Variants in TXNRD1 observed in about 807,000 individuals in gnomAD.
TXNRD1 encodes thioredoxin reductase 1, cytoplasmic.
A neutral mutation model predicts 80.3 loss-of-function variants in TXNRD1; 57 were observed. That is an observed-to-expected ratio of 0.71 (90% CI 0.57 to 0.89). The LOEUF is 0.89. TXNRD1 is among the 40% of genes least tolerant of loss of function. The pLI is 0.00. For synonymous variants in TXNRD1, 291 were observed against 285.2 expected (o/e 1.02, Z -0.20); for missense variants, 730 against 803.0 (o/e 0.91, Z 1.10).
At chr12:104,287,197 C>T in intron 3 of TXNRD1, 3 of 1,591,840 alleles carry the variant, frequency 1.9e-6, no homozygotes, top group Non-Finnish European at 1.7e-6. Context: ...GGGACGACAG[C>T]ATTGCGCCTG....
chr12:104,237,035 T>TG (rs1287867070), intron 1 of TXNRD1, among the ~76,000 whole-genome samples: 33 of 145,016 alleles, frequency 2.3e-4, no homozygotes, highest in African/African-American at 6.0e-4. Context: ...GACTCCGTTC[T>TG]GGGGGGGTTG....
chr12:104,255,301 T>A (rs893570553), intron 2 of TXNRD1, among the ~76,000 whole-genome samples: 5 of 152,048 alleles, frequency 3.3e-5, no homozygotes, highest in Non-Finnish European at 7.3e-5. Flanking sequence ...TTCTTTTTTT[T>A]AGTCCCTATT....
intron 14 of TXNRD1, among the ~76,000 whole-genome samples, chr12:104,333,030 G>A (rs1044696907): frequency 6.6e-6 from 1 of 151,640 alleles, no homozygotes; most frequent in East Asian, 1.9e-4. Flanking sequence ...TTAATGTTAT[G>A]TCATGAACAT....
intron 4 of TXNRD1, among the ~76,000 whole-genome samples, chr12:104,290,720 CATAT>C (rs58669975): frequency 0.07 from 3,919 of 55,678 alleles, 153 homozygotes; most frequent in East Asian, 0.087. Context: ...AAGAAATATA[CATAT>C]ATATATATAT....
At chr12:104,242,310 G>T (rs1454232523) in intron 1 of TXNRD1, among the ~76,000 whole-genome samples, 1 of 151,584 alleles carries the variant, frequency 6.6e-6, no homozygotes, top group African/African-American at 2.4e-5. Flanking sequence ...AGCACTTTGG[G>T]AGGCCAAGGC....
At chr12:104,303,720 G>A (rs1038780891) in intron 4 of TXNRD1, 2 of 772,776 alleles carry the variant, frequency 2.6e-6, no homozygotes, top group Non-Finnish European at 3.8e-6. Flanking sequence ...GGTCGCGCCG[G>A]GCCGGGCCGC....
At chr12:104,256,350 G>A (rs1348089585) in intron 2 of TXNRD1, among the ~76,000 whole-genome samples, 2 of 152,100 alleles carry the variant, frequency 1.3e-5, no homozygotes, top group East Asian at 3.9e-4. Flanking sequence ...GCTGTGAAGA[G>A]GTTTTAAAGT....
rs551000465 is a variant in TXNRD1, at chr12:104,237,135, C to T, written c.92-14392C>T. Among the ~76,000 whole-genome samples the T allele has an allele frequency of 2.4e-4, 36 of 152,288 alleles. No individual in the cohort carries two copies. In the South Asian group the frequency reaches 7.5e-3, roughly 32 times the overall value. ...CAGATAGTTCCCTCAAAATCAAAGG[C>T]TCTGTACTGTTATGTATTGTGTTAT... On this transcript the variant is annotated intron_variant, in intron 1 of 16. Coordinates refer to ENST00000525566, the MANE Select transcript of TXNRD1 (RefSeq NM_001093771.3).
intron 4 of TXNRD1, among the ~76,000 whole-genome samples, chr12:104,293,433 G>T (rs1304320649): frequency 6.6e-6 from 1 of 152,130 alleles, no homozygotes; most frequent in Non-Finnish European, 1.5e-5. Flanking sequence ...TCCAGTCTTG[G>T]GGGGTAGATG....
intron 1 of TXNRD1, among the ~76,000 whole-genome samples, chr12:104,230,302 C>T (rs2032588640): frequency 2.0e-5 from 3 of 152,088 alleles, no homozygotes; most frequent in Admixed American, 2.0e-4. Context: ...CTCCCAACCT[C>T]AGGTGATCCA....
At chr12:104,229,252 A>G (rs1309486828) in intron 1 of TXNRD1, among the ~76,000 whole-genome samples, 3 of 149,192 alleles carry the variant, frequency 2.0e-5, no homozygotes, top group Non-Finnish European at 4.4e-5. Context: ...GGCTCAAGCA[A>G]TCCTCCCACC....
chr12:104,336,163 A>C (rs1022820118), intron 15 of TXNRD1, among the ~76,000 whole-genome samples: 4 of 152,266 alleles, frequency 2.6e-5, no homozygotes, highest in African/African-American at 9.6e-5. Flanking sequence ...TGCTCATAGC[A>C]GTCAGTGAAA....
chr12:104,294,233 G>GGCGCCCC lies in TXNRD1; in HGVS notation c.414+5193_414+5194insGCGCCCC, dbSNP rs60817773. 1.9e-3 allele frequency among the ~76,000 whole-genome samples: 130 copies of GGCGCCCC among 68,828 alleles called. 28 individuals are homozygous for GGCGCCCC. The highest frequency in any genetic ancestry group is 2.6e-3 in the African/African-American group (43 of 16,778). 45.2% of individuals were successfully genotyped at this position (68,828 alleles called of 152,430 possible). A position where few individuals can be genotyped will look rare whatever the true frequency, so the allele number is the denominator to read the frequency against. ...CTTCTCTAAACTCCCCCGGGGAAAG[G>GGCGCCCC]CCCCCCCCCCCGCCGCCGGCTTTCC... On this transcript the variant is annotated intron_variant, in intron 4 of 16. Coordinates refer to ENST00000525566, the MANE Select transcript of TXNRD1 (RefSeq NM_001093771.3).
Position 104,348,727 on chromosome 12 carries a change from T to A in TXNRD1, c.*306T>A. The A allele has an allele frequency of 3.0e-6, 1 of 335,024 alleles. No homozygotes were observed. The highest frequency in any genetic ancestry group is 5.5e-6 in the Non-Finnish European group (1 of 183,096). 20.8% of individuals were successfully genotyped at this position (335,024 alleles called of 1,614,324 possible). A position where few individuals can be genotyped will look rare whatever the true frequency, so the allele number is the denominator to read the frequency against. On this transcript the variant is annotated 3_prime_UTR_variant, in exon 17 of 17. Transcript: ENST00000525566. The stretch of plus-strand genomic sequence containing the variant: ...TGATGGAACAACTGTCAAATCAGTT[T>A]TAGCATGACCTTTCCTTGTGGATTT...
chr12:104,249,451 A>T (rs1025249262), intron 1 of TXNRD1, among the ~76,000 whole-genome samples: 6 of 152,036 alleles, frequency 3.9e-5, no homozygotes, highest in African/African-American at 1.4e-4. Context: ...TTTTCTATCC[A>T]TATGTTAAGT....
chr12:104,320,621 G>A (rs1344724287), intron 9 of TXNRD1, among the ~76,000 whole-genome samples: 3 of 151,726 alleles, frequency 2.0e-5, no homozygotes, highest in Non-Finnish European at 2.9e-5. Flanking sequence ...CTTATAGTTG[G>A]CTTTTATATT....
chr12:104,304,526 A>G (rs1565889599), intron 4 of TXNRD1: 13 of 1,613,908 alleles, frequency 8.1e-6, no homozygotes, highest in Non-Finnish European at 1.1e-5. Context: ...GATGGAAGAA[A>G]ATGGCAACAT....
At chr12:104,315,672 A>G (rs41283114) in intron 6 of TXNRD1, 105 bp from the exon 7 acceptor site, 6 of 1,324,134 alleles carry the variant, frequency 4.5e-6, no homozygotes, top group Non-Finnish European at 4.1e-6. Context: ...TTAAGCAAAT[A>G]TAATACAATA....
chr12:104,315,652 A>G (rs2035299025), intron 6 of TXNRD1, 125 bp from the exon 7 acceptor site: 1 of 1,117,246 alleles, frequency 9.0e-7, no homozygotes, highest in Admixed American at 2.8e-5. Context: ...AAACTTTATT[A>G]CTGACCACAT....
Sources: allele counts gnomAD v4.1 joint callset (sites outside exome capture counted in the v4.1 genomes callset), GRCh38; gene constraint gnomAD v4.1.1; transcripts MANE v1.5; gene names NCBI Gene and HGNC (gene_info 2026-07-23, HGNC 2026-07-21).